Variants in BEND4 observed in about 807,000 individuals in gnomAD.
BEND4 encodes the protein BEN domain-containing protein 4.
A neutral mutation model predicts 54.7 loss-of-function variants in BEND4; 27 were observed. The ratio of observed to expected loss-of-function variants is 0.49; its 90% CI spans 0.36 to 0.68. The LOEUF (loss-of-function observed/expected upper bound fraction) is 0.68. BEND4 is among the 30% of genes least tolerant of loss of function. The pLI, the probability that BEND4 is intolerant of heterozygous loss-of-function variation, is 0.00. For missense variants in BEND4, 702 were observed against 697.2 expected (o/e 1.01, Z -0.08); for synonymous variants, 327 against 299.5 (o/e 1.09, Z -0.95).
intron 3 of BEND4, among the ~76,000 whole-genome samples, chr4:42,130,828 G>A (rs1163066495): frequency 6.6e-6 from 1 of 152,162 alleles, no homozygotes; most frequent in Non-Finnish European, 1.5e-5. Flanking sequence ...GCTCATCAGT[G>A]ATAGACTGGA....
At chr4:42,130,348 C>G (rs894668049) in intron 3 of BEND4, among the ~76,000 whole-genome samples, 3 of 151,770 alleles carry the variant, frequency 2.0e-5, no homozygotes, top group Non-Finnish European at 4.4e-5. Context: ...GGCGTGGTGG[C>G]GGACACCTAT....
intron 3 of BEND4, among the ~76,000 whole-genome samples, chr4:42,128,858 C>G (rs558815787): frequency 6.6e-6 from 1 of 152,132 alleles, no homozygotes; most frequent in East Asian, 1.9e-4. Context: ...ACGGCGTGAA[C>G]TCGGGAGGCG....
intron 2 of BEND4, among the ~76,000 whole-genome samples, chr4:42,145,958 T>C (rs1721067924): frequency 6.6e-6 from 1 of 152,190 alleles, no homozygotes; most frequent in Non-Finnish European, 1.5e-5. Flanking sequence ...ATTTTCAGAT[T>C]TACTTGACTG....
At chr4:42,141,552 C>T (rs907122037) in intron 3 of BEND4, among the ~76,000 whole-genome samples, 2 of 152,056 alleles carry the variant, frequency 1.3e-5, no homozygotes, top group African/African-American at 4.8e-5. Context: ...GCCAATGTGG[C>T]GAAACGCTGT....
intron 3 of BEND4, among the ~76,000 whole-genome samples, chr4:42,128,549 G>A (rs755589914): frequency 1.1e-4 from 17 of 151,684 alleles, no homozygotes; most frequent in African/African-American, 1.7e-4. Flanking sequence ...GCATGAACCC[G>A]GGAGGCGGAG....
At chr4:42,126,381 T>C (rs1720284166) in intron 3 of BEND4, among the ~76,000 whole-genome samples, 1 of 151,530 alleles carries the variant, frequency 6.6e-6, no homozygotes, top group African/African-American at 2.4e-5. Flanking sequence ...ATAATATAAG[T>C]GTTTCTAATG....
At chr4:42,141,012 T>C (rs906382040) in intron 3 of BEND4, among the ~76,000 whole-genome samples, 1 of 151,508 alleles carries the variant, frequency 6.6e-6, no homozygotes, top group African/African-American at 2.5e-5. Flanking sequence ...TACACAGCTG[T>C]GAGACTTGTA....
chr4:42,151,351 G>A (rs1207565997), intron 2 of BEND4: 2 of 239,536 alleles, frequency 8.3e-6, no homozygotes, highest in African/African-American at 2.3e-5. Context: ...CCCCGGGGGG[G>A]CGTCTGGCCC....
chr4:42,137,114 A>C (rs1720723053), intron 3 of BEND4, among the ~76,000 whole-genome samples: 11 of 152,162 alleles, frequency 7.2e-5, no homozygotes. Context: ...TATAATCCTA[A>C]ATTTCCAACT....
intron 5 of BEND4, among the ~76,000 whole-genome samples, chr4:42,118,924 T>C (rs966830653): frequency 1.3e-5 from 2 of 152,230 alleles, no homozygotes; most frequent in Admixed American, 1.3e-4. Flanking sequence ...GCTGGAGCAC[T>C]TGTGCCTAGT....
At chr4:42,148,135 C>T (rs1721141555) in intron 2 of BEND4, among the ~76,000 whole-genome samples, 1 of 148,922 alleles carries the variant, frequency 6.7e-6, no homozygotes, top group Non-Finnish European at 1.5e-5. Flanking sequence ...TTCCTTAAAA[C>T]ATTAATTTAA....
intron 3 of BEND4, among the ~76,000 whole-genome samples, chr4:42,134,831 G>A (rs1193237284): frequency 6.6e-6 from 1 of 152,198 alleles, no homozygotes; most frequent in Admixed American, 6.5e-5. Context: ...CTGGAGTAAA[G>A]GAAGGCCAGA....
intron 3 of BEND4, among the ~76,000 whole-genome samples, chr4:42,131,869 C>A (rs1720518566): frequency 6.6e-6 from 1 of 152,152 alleles, no homozygotes; most frequent in Non-Finnish European, 1.5e-5. Context: ...CATCCTCCCA[C>A]TCCTGGTCCT....
In BEND4 at chr4:42,124,349, T is replaced by A. The variant is rs112750197; in HGVS notation, c.1146+1234A>T. Among the ~76,000 whole-genome samples the A allele has an allele frequency of 9.9e-4, 151 of 152,156 alleles. 2 individuals carry two copies. Among genetic ancestry groups the A allele is most frequent in the African/African-American group, 3.3e-3 (139 of 41,500 alleles). On this transcript the variant is annotated intron_variant, in intron 4 of 5. Transcript: ENST00000502486. ...GCTTGGGCAAGAAAGCGAGACCCTG[T>A]CTCAAAAATAAGTGAACAAATAAAT...
chr4:42,141,529 C>T (rs1320468681), intron 3 of BEND4, among the ~76,000 whole-genome samples: 1 of 152,082 alleles, frequency 6.6e-6, no homozygotes, highest in Non-Finnish European at 1.5e-5. Context: ...GTCAGGAGTT[C>T]GAGACCAGCC....
intron 4 of BEND4, 119 bp from the exon 5 acceptor site, chr4:42,120,413 C>T (rs772887081): frequency 4.2e-5 from 55 of 1,301,558 alleles, no homozygotes; most frequent in Non-Finnish European, 5.7e-5. Flanking sequence ...GACAATGAAC[C>T]AGGTATTGAA....
At chr4:42,136,041 T>C (rs1164332896) in intron 3 of BEND4, among the ~76,000 whole-genome samples, 4 of 152,108 alleles carry the variant, frequency 2.6e-5, no homozygotes, top group East Asian at 1.9e-4. Flanking sequence ...AAGAACTCAG[T>C]TCTTTATTCC....
chr4:42,131,899 G>A (rs1285835751), intron 3 of BEND4, among the ~76,000 whole-genome samples: 1 of 152,136 alleles, frequency 6.6e-6, no homozygotes, highest in Non-Finnish European at 1.5e-5. Flanking sequence ...GGACCTTGAA[G>A]CACCCCCAGC....
chr4:42,136,002 C>T (rs79103286), intron 3 of BEND4, among the ~76,000 whole-genome samples: 1 of 152,268 alleles, frequency 6.6e-6, no homozygotes, highest in Non-Finnish European at 1.5e-5. Context: ...AACCAAGAGC[C>T]ATGATGATGT....
Sources: gnomAD v4.1 joint callset for allele counts (sites outside exome capture counted in the v4.1 genomes callset) on GRCh38, gnomAD v4.1.1 for gene constraint, MANE v1.5 for transcripts, NCBI Gene and HGNC (gene_info 2026-07-23, HGNC 2026-07-21) for gene names.